Variants in ADCY2 observed in about 807,000 individuals in gnomAD.
The protein encoded by ADCY2 is adenylate cyclase 2.
In ADCY2, 31 loss-of-function variants were observed where a neutral mutation model predicts 125.2. That is an observed-to-expected ratio of 0.25 (90% CI 0.19 to 0.33). The LOEUF is 0.33. Among genes scored for constraint, ADCY2 ranks in the 10% least tolerant of loss-of-function variants. The probability of loss-of-function intolerance (pLI) is 1.00; values close to 1 mark genes in which losing one functional copy is unlikely to be tolerated. For synonymous variants in ADCY2, 512 were observed against 548.4 expected, an observed-to-expected ratio of 0.93 and a Z score of 0.93; for missense variants, 904 against 1,418.2, an observed-to-expected ratio of 0.64 and a Z score of 5.82.
intron 16 of ADCY2, among the ~76,000 whole-genome samples, chr5:7,757,842 G>A (rs528523073): frequency 1.3e-4 from 20 of 152,290 alleles, no homozygotes; most frequent in African/African-American, 4.3e-4. Context: ...ATTAAATTTA[G>A]CATCTCTTGG....
rs542720515 is a variant in ADCY2 at position 7,562,506 on chromosome 5, G to T, written c.570+41607G>T. Among the ~76,000 whole-genome samples, 125 of 152,140 alleles carry T rather than the reference G, an allele frequency of 8.2e-4. 1 individual carries two copies. The highest frequency in any genetic ancestry group is 3.4e-3 in the Middle Eastern group (1 of 294). On this transcript the variant is annotated intron_variant, in intron 3 of 24. Coordinates refer to ENST00000338316, the MANE Select transcript of ADCY2 (RefSeq NM_020546.3). ...GCCATTGTTGTACAAAATGACTAGT[G>T]TCATTTTCTGTGCTGAACAGGAAAT... is the stretch of plus-strand genomic sequence containing the variant.
chr5:7,443,107 T>G (rs1741075225), intron 2 of ADCY2, among the ~76,000 whole-genome samples: 1 of 152,126 alleles, frequency 6.6e-6, no homozygotes, highest in Non-Finnish European at 1.5e-5. Context: ...CCATCTTTCC[T>G]TTTCCACAGC....
At chr5:7,630,483 G>C (rs1186830599) in intron 4 of ADCY2, among the ~76,000 whole-genome samples, 1 of 152,126 alleles carries the variant, frequency 6.6e-6, no homozygotes, top group Non-Finnish European at 1.5e-5. Flanking sequence ...TATGTGTACT[G>C]TTGTATCAGA....
intron 8 of ADCY2, 58 bp from the exon 9 acceptor site, chr5:7,707,648 A>G (rs1010917371): frequency 2.3e-5 from 36 of 1,581,896 alleles, no homozygotes; most frequent in Non-Finnish European, 2.8e-5. Flanking sequence ...GCAAATAGAA[A>G]CCTTTCTTCA....
intron 2 of ADCY2, among the ~76,000 whole-genome samples, chr5:7,488,387 A>C (rs902943986): frequency 2.6e-5 from 4 of 152,038 alleles, no homozygotes; most frequent in Non-Finnish European, 5.9e-5. Flanking sequence ...TGTCTAATAC[A>C]TCTTGACTAA....
At chr5:7,650,615 T>C (rs1739054205) in intron 4 of ADCY2, among the ~76,000 whole-genome samples, 1 of 152,136 alleles carries the variant, frequency 6.6e-6, no homozygotes, top group Non-Finnish European at 1.5e-5. Context: ...TTCCTTTCTA[T>C]GTTCTTGCCC....
chr5:7,689,725 AAAAGAG>A (rs1740646125), intron 4 of ADCY2, among the ~76,000 whole-genome samples: 1 of 152,198 alleles, frequency 6.6e-6, no homozygotes, highest in South Asian at 2.1e-4. Context: ...CAAAAAAAGA[AAAAGAG>A]AAAGACAGAC....
intron 3 of ADCY2, among the ~76,000 whole-genome samples, chr5:7,540,475 CCAA>C (rs1734959087): frequency 6.6e-6 from 1 of 152,154 alleles, no homozygotes; most frequent in South Asian, 2.1e-4. Flanking sequence ...CCGCAATACC[CCAA>C]ATGTGTCTGA....
At chr5:7,532,540 A>G (rs1734683248) in intron 3 of ADCY2, among the ~76,000 whole-genome samples, 2 of 152,218 alleles carry the variant, frequency 1.3e-5, no homozygotes. Context: ...TTTTTTATTT[A>G]GTAGGACTAA....
In ADCY2 at chr5:7,698,391, G is replaced by C; in HGVS notation, c.1109+17G>C. The C allele has an allele frequency of 1.2e-6, 2 of 1,613,826 alleles. No homozygotes were observed. Among genetic ancestry groups the C allele is most frequent in the Non-Finnish European group, 1.7e-6 (2 of 1,179,906 alleles). On this transcript the variant is annotated intron_variant, in intron 7 of 24. Transcript: ENST00000338316. ...AGCCATAAAGTAAGTGGACTGCTTA[G>C]TAAGCATTTTGTTATATGCTTTAAG...
intron 15 of ADCY2, among the ~76,000 whole-genome samples, chr5:7,754,929 CTG>C (rs1018400787): frequency 7.2e-5 from 11 of 152,094 alleles, no homozygotes; most frequent in Non-Finnish European, 1.5e-4. Flanking sequence ...ACAGATCTGA[CTG>C]TGTTTTGTGA....
chr5:7,611,426 A>G (rs1413441168), intron 3 of ADCY2, among the ~76,000 whole-genome samples: 1 of 152,304 alleles, frequency 6.6e-6, no homozygotes, highest in East Asian at 1.9e-4. Flanking sequence ...CTGGACTAAT[A>G]GTTTTAGTCT....
At chr5:7,674,927 G>T (rs867879897) in intron 4 of ADCY2, among the ~76,000 whole-genome samples, 1 of 152,074 alleles carries the variant, frequency 6.6e-6, no homozygotes, top group Non-Finnish European at 1.5e-5. Context: ...AGGCCGAGGC[G>T]GGCGGATCAC....
chr5:7,812,683 G>A (rs576784212), intron 22 of ADCY2, among the ~76,000 whole-genome samples: 79 of 152,260 alleles, frequency 5.2e-4, no homozygotes, highest in African/African-American at 8.2e-4. Flanking sequence ...CAAGGCGGGC[G>A]GATCACCTGA....
At chr5:7,574,891 G>A (rs1736194039) in intron 3 of ADCY2, among the ~76,000 whole-genome samples, 1 of 152,104 alleles carries the variant, frequency 6.6e-6, no homozygotes. Context: ...CCAGGGAGTG[G>A]ATTAGACACA....
chr5:7,491,311 G>A (rs997310968), intron 2 of ADCY2, among the ~76,000 whole-genome samples: 4 of 152,034 alleles, frequency 2.6e-5, no homozygotes, highest in South Asian at 2.1e-4. Flanking sequence ...GAGTGCAATG[G>A]CACCATCTCA....
chr5:7,567,621 G>A (rs1366314704), intron 3 of ADCY2, among the ~76,000 whole-genome samples: 1 of 152,102 alleles, frequency 6.6e-6, no homozygotes, highest in Non-Finnish European at 1.5e-5. Flanking sequence ...ATATGGTTGT[G>A]TTGAGTTTAG....
At chr5:7,606,023 G>A (rs991583583) in intron 3 of ADCY2, among the ~76,000 whole-genome samples, 1 of 144,430 alleles carries the variant, frequency 6.9e-6, no homozygotes, top group Non-Finnish European at 1.5e-5. Flanking sequence ...TAGCATGAAG[G>A]GTTGTTGAAT....
At chr5:7,589,458 A>AAAAGAAAGAAAGAAAGAAAGAAAAG (rs1736748555) in intron 3 of ADCY2, among the ~76,000 whole-genome samples, 165 of 72,988 alleles carry the variant, frequency 2.3e-3, no homozygotes, top group African/African-American at 8.2e-3. Flanking sequence ...GAAGGAAAGA[A>AAAAGAAAGAAAGAAAGAAAGAAAAG]AAAGAAAGAA....
Sources: allele counts gnomAD v4.1 joint callset (sites outside exome capture counted in the v4.1 genomes callset), GRCh38; gene constraint gnomAD v4.1.1; transcripts MANE v1.5; gene names NCBI Gene and HGNC (gene_info 2026-07-23, HGNC 2026-07-21).